Variants in LYPD6 observed in about 807,000 individuals in gnomAD.
LYPD6 encodes the protein ly6/PLAUR domain-containing protein 6.
Under a neutral mutation model 22.7 loss-of-function variants are expected in LYPD6, and 15 were observed. That is an observed-to-expected ratio of 0.66 (90% CI 0.44 to 1.02). The LOEUF is 1.02. LYPD6 is among the 50% of genes least tolerant of loss of function. LYPD6 has a pLI of 0.00. For synonymous variants in LYPD6, 72 were observed against 77.5 expected (o/e 0.93, Z 0.37); for missense variants, 189 against 208.4 (o/e 0.91, Z 0.57).
At chr2:149,371,043 A>G (rs888104) in intron 1 of LYPD6, among the ~76,000 whole-genome samples, 27,517 of 152,168 alleles carry the variant, frequency 0.18, 2,516 homozygotes, top group African/African-American at 0.19. Flanking sequence ...TCTTCTTGCT[A>G]TGGCTTTCCT....
intron 1 of LYPD6, among the ~76,000 whole-genome samples, chr2:149,378,309 A>T (rs986572580): frequency 1.3e-5 from 2 of 151,992 alleles, no homozygotes; most frequent in African/African-American, 2.4e-5. Flanking sequence ...ATAGAGACAG[A>T]ATTTCGCCAT....
At chr2:149,446,083 G>T (rs1683680740) in intron 2 of LYPD6, among the ~76,000 whole-genome samples, 1 of 152,178 alleles carries the variant, frequency 6.6e-6, no homozygotes, top group Non-Finnish European at 1.5e-5. Flanking sequence ...GAGGTCTGGG[G>T]CAGGGAAAGG....
intron 1 of LYPD6, among the ~76,000 whole-genome samples, chr2:149,353,567 T>A (rs754868959): frequency 6.6e-6 from 1 of 152,198 alleles, no homozygotes; most frequent in Non-Finnish European, 1.5e-5. Context: ...TGATATATAC[T>A]ATGGAGAGCT....
chr2:149,384,852 T>A (rs912175297), intron 1 of LYPD6, among the ~76,000 whole-genome samples: 7 of 151,788 alleles, frequency 4.6e-5, no homozygotes, highest in African/African-American at 9.7e-5. Context: ...TAGCATTAGG[T>A]ATATCTCCTA....
chr2:149,397,191 A>C (rs79872532), intron 1 of LYPD6, among the ~76,000 whole-genome samples: 1 of 152,188 alleles, frequency 6.6e-6, no homozygotes, highest in Non-Finnish European at 1.5e-5. Flanking sequence ...ATTATCTCTC[A>C]TAGGTCTATG....
chr2:149,422,457 A>G (rs1683101871), intron 1 of LYPD6, among the ~76,000 whole-genome samples: 3 of 152,018 alleles, frequency 2.0e-5, no homozygotes, highest in Non-Finnish European at 4.4e-5. Context: ...CCAGCACTTC[A>G]TGTCCTTGCT....
intron 1 of LYPD6, among the ~76,000 whole-genome samples, chr2:149,358,071 C>T (rs907158185): frequency 2.0e-5 from 3 of 152,164 alleles, no homozygotes; most frequent in African/African-American, 7.2e-5. Context: ...CAGGCATGAG[C>T]CACTGCGCCC....
At chr2:149,463,164 A>G (rs1681123980) in intron 3 of LYPD6, among the ~76,000 whole-genome samples, 1 of 152,196 alleles carries the variant, frequency 6.6e-6, no homozygotes, top group South Asian at 2.1e-4. Context: ...TGCTATCTAG[A>G]ATATATAAAT....
chr2:149,366,314 A>G (rs1681663636), intron 1 of LYPD6, among the ~76,000 whole-genome samples: 1 of 152,186 alleles, frequency 6.6e-6, no homozygotes, highest in African/African-American at 2.4e-5. Context: ...TTTTAGATAA[A>G]TAAATGCCGG....
chr2:149,414,337 A>G (rs984218969), intron 1 of LYPD6, among the ~76,000 whole-genome samples: 3 of 152,234 alleles, frequency 2.0e-5, no homozygotes, highest in African/African-American at 7.2e-5. Context: ...CTCACATTCT[A>G]CAGTTTTGTA....
intron 1 of LYPD6, among the ~76,000 whole-genome samples, chr2:149,411,512 C>T (rs746608179): frequency 6.6e-6 from 1 of 152,018 alleles, no homozygotes; most frequent in Admixed American, 6.6e-5. Flanking sequence ...ATTTAACAGC[C>T]TTTCTATGAA....
rs188300283 is a variant in LYPD6, at chr2:149,345,338, G to A, written c.-72+14616G>A. On this transcript the variant is annotated intron_variant, in intron 1 of 4. Transcript: ENST00000334166. ...TTTTTTTTTTTTGAGACGGAGCCTC[G>A]CTTTGTTGCCCAGGCTGGAGTGCAG... 1.6e-4 allele frequency among the ~76,000 whole-genome samples: 21 copies of A among 128,602 alleles called. No individual in the cohort carries two copies. The East Asian group carries it at 4.1e-3, about 25-fold the overall frequency. 84.4% of individuals were successfully genotyped at this position (128,602 alleles called of 152,430 possible).
chr2:149,373,487 G>A (rs1681855228), intron 1 of LYPD6, among the ~76,000 whole-genome samples: 1 of 152,124 alleles, frequency 6.6e-6, no homozygotes. Context: ...AGGTAGGGGA[G>A]GAGTCAGAAT....
intron 1 of LYPD6, among the ~76,000 whole-genome samples, chr2:149,357,173 C>G (rs1039378872): frequency 1.3e-5 from 2 of 152,148 alleles, no homozygotes; most frequent in African/African-American, 4.8e-5. Flanking sequence ...AGTTATCTAC[C>G]CTGATTGGCA....
At chr2:149,337,632 A>C (rs957201106) in intron 1 of LYPD6, among the ~76,000 whole-genome samples, 1 of 117,076 alleles carries the variant, frequency 8.5e-6, no homozygotes, top group African/African-American at 3.4e-5. Flanking sequence ...GGCCCCCTTT[A>C]AAAAAAAAAC....
At chr2:149,388,452 C>T (rs1221582037) in intron 1 of LYPD6, among the ~76,000 whole-genome samples, 2 of 151,974 alleles carry the variant, frequency 1.3e-5, no homozygotes, top group African/African-American at 4.8e-5. Flanking sequence ...AATCTCAAGC[C>T]CTTTTGGGTG....
At chr2:149,362,300 A>T (rs1409280021) in intron 1 of LYPD6, among the ~76,000 whole-genome samples, 1 of 152,210 alleles carries the variant, frequency 6.6e-6, no homozygotes, top group East Asian at 1.9e-4. Flanking sequence ...ACAAGAGAAA[A>T]GCATACAAAT....
intron 1 of LYPD6, among the ~76,000 whole-genome samples, chr2:149,340,403 A>G (rs2105048327): frequency 6.6e-6 from 1 of 152,232 alleles, no homozygotes; most frequent in Admixed American, 6.5e-5. Flanking sequence ...TTTTACTTAC[A>G]TGGTTTTTCA....
intron 3 of LYPD6, among the ~76,000 whole-genome samples, chr2:149,461,334 C>T (rs1311475839): frequency 6.6e-6 from 1 of 151,666 alleles, no homozygotes; most frequent in African/African-American, 2.4e-5. Flanking sequence ...AAACAAAGTA[C>T]CACAATTCAC....
Sources: gnomAD v4.1 joint callset for allele counts (sites outside exome capture counted in the v4.1 genomes callset) on GRCh38, gnomAD v4.1.1 for gene constraint, MANE v1.5 for transcripts, NCBI Gene and HGNC (gene_info 2026-07-23, HGNC 2026-07-21) for gene names.